WWOX: variants seen among roughly 807,000 people sequenced by gnomAD.
The protein encoded by WWOX is WW domain containing oxidoreductase.
In WWOX, 69 loss-of-function variants were observed where a neutral mutation model predicts 46.2. That is an observed-to-expected ratio of 1.49 (90% CI 1.23 to 1.82). WWOX has a LOEUF of 1.82. Among genes scored for constraint, WWOX ranks in the 40% most tolerant of loss-of-function variants. The pLI is 0.00. For synonymous variants in WWOX, 359 were observed against 202.6 expected (o/e 1.77, Z -6.56); for missense variants, 919 against 542.6 (o/e 1.69, Z -6.89).
intron 8 of WWOX, among the ~76,000 whole-genome samples, chr16:78,815,073 C>T (rs1039996312): frequency 6.6e-6 from 1 of 152,158 alleles, no homozygotes; most frequent in East Asian, 1.9e-4. Flanking sequence ...GCCTGTAATC[C>T]CAACACTTCG....
chr16:78,677,307 G>A (rs570094529), intron 8 of WWOX, among the ~76,000 whole-genome samples: 26 of 152,200 alleles, frequency 1.7e-4, no homozygotes, highest in African/African-American at 5.8e-4. Flanking sequence ...TACTCATTAC[G>A]TACACTCTGC....
intron 8 of WWOX, among the ~76,000 whole-genome samples, chr16:78,743,550 T>G (rs1405259504): frequency 1.3e-5 from 2 of 152,088 alleles, no homozygotes; most frequent in Admixed American, 1.3e-4. Flanking sequence ...TATAATTAAA[T>G]CAAAAGGAAA....
chr16:78,139,535 C>T (rs146448578), intron 4 of WWOX, among the ~76,000 whole-genome samples: 7 of 152,250 alleles, frequency 4.6e-5, no homozygotes, highest in Non-Finnish European at 8.8e-5. Context: ...ATCCCAGCTA[C>T]TCGGGAGGCT....
intron 4 of WWOX, among the ~76,000 whole-genome samples, chr16:78,126,539 AATTG>A (rs1437675959): frequency 6.6e-6 from 1 of 152,116 alleles, no homozygotes; most frequent in African/African-American, 2.4e-5. Context: ...ATCGATTACT[AATTG>A]ATTGCTTGCC....
rs74029573 is a variant in WWOX, at chr16:78,582,399, G to T, written c.1056+149647G>T. On this transcript the variant is annotated intron_variant, in intron 8 of 8. Coordinates refer to ENST00000566780, the MANE Select transcript of WWOX (RefSeq NM_016373.4). ...AATGAGTATTTCTTACAAAGTGGGA[G>T]TATCAATTTTTCTTAAATGTAGAGA... Among the ~76,000 whole-genome samples the T allele has an allele frequency of 3.8e-3, 586 of 152,276 alleles. 4 individuals are homozygous for T. Among genetic ancestry groups the T allele is most frequent in the African/African-American group, 0.014 (569 of 41,548 alleles).
At chr16:78,857,977 T>A (rs2052605611) in intron 8 of WWOX, among the ~76,000 whole-genome samples, 1 of 152,186 alleles carries the variant, frequency 6.6e-6, no homozygotes, top group Admixed American at 6.5e-5. Context: ...TAGCGTTATT[T>A]TGTGTGCATA....
intron 5 of WWOX, among the ~76,000 whole-genome samples, chr16:78,249,778 A>G (rs1185159465): frequency 2.0e-5 from 3 of 150,038 alleles, no homozygotes; most frequent in Non-Finnish European, 4.4e-5. Flanking sequence ...TCAAACTAGA[A>G]CGTGGCTTTT....
chr16:78,991,886 C>A (rs1439867200), intron 8 of WWOX, among the ~76,000 whole-genome samples: 1 of 152,110 alleles, frequency 6.6e-6, no homozygotes, highest in African/African-American at 2.4e-5. Context: ...CTTGCGATCA[C>A]CTCCATAAAT....
At chr16:78,567,288 G>A (rs1487589635) in intron 8 of WWOX, among the ~76,000 whole-genome samples, 3 of 152,054 alleles carry the variant, frequency 2.0e-5, no homozygotes, top group Non-Finnish European at 4.4e-5. Context: ...GCTCACGCCT[G>A]TAATCCCAGC....
chr16:78,742,930 G>T (rs570914371), intron 8 of WWOX, among the ~76,000 whole-genome samples: 1 of 152,218 alleles, frequency 6.6e-6, no homozygotes, highest in East Asian at 1.9e-4. Flanking sequence ...AAAGAGGAAG[G>T]AGAAGGCCCT....
At chr16:78,564,150 A>G (rs1163963686) in intron 8 of WWOX, among the ~76,000 whole-genome samples, 5 of 152,240 alleles carry the variant, frequency 3.3e-5, no homozygotes, top group Non-Finnish European at 5.9e-5. Flanking sequence ...AGCCCAGCCC[A>G]AATTGCTGAC....
At chr16:78,688,263 T>A (rs2047906521) in intron 8 of WWOX, among the ~76,000 whole-genome samples, 1 of 152,282 alleles carries the variant, frequency 6.6e-6, no homozygotes, top group South Asian at 2.1e-4. Flanking sequence ...CTTGGTTTTA[T>A]TTCTTGTTGC....
At chr16:78,831,793 G>A (rs1250401041) in intron 8 of WWOX, among the ~76,000 whole-genome samples, 2 of 152,202 alleles carry the variant, frequency 1.3e-5, no homozygotes, top group Non-Finnish European at 2.9e-5. Flanking sequence ...AGCTTTTACT[G>A]AGCATCTATC....
intron 8 of WWOX, among the ~76,000 whole-genome samples, chr16:78,788,376 C>A (rs1486165157): frequency 6.6e-6 from 1 of 152,204 alleles, no homozygotes; most frequent in Non-Finnish European, 1.5e-5. Context: ...CCTTCTTTCA[C>A]CTGCCCCAAG....
intron 8 of WWOX, among the ~76,000 whole-genome samples, chr16:79,155,181 T>C (rs752079395): frequency 5.3e-5 from 8 of 152,118 alleles, no homozygotes; most frequent in Non-Finnish European, 1.0e-4. Flanking sequence ...ATGGAAACCA[T>C]TCTGGCCAAC....
chr16:78,148,280 G>C (rs2151716829), intron 4 of WWOX, among the ~76,000 whole-genome samples: 2 of 152,310 alleles, frequency 1.3e-5, no homozygotes, highest in South Asian at 4.2e-4. Context: ...TACGAAGTGA[G>C]ACCATGGGTG....
At chr16:78,416,140 C>A (rs576759308) in intron 6 of WWOX, among the ~76,000 whole-genome samples, 30 of 152,306 alleles carry the variant, frequency 2.0e-4, no homozygotes, top group African/African-American at 6.7e-4. Context: ...AAAATGCTGA[C>A]TAGTAACATC....
chr16:78,881,592 T>C (rs1382056897), intron 8 of WWOX, among the ~76,000 whole-genome samples: 1 of 152,116 alleles, frequency 6.6e-6, no homozygotes, highest in East Asian at 1.9e-4. Flanking sequence ...AGATCAAGAG[T>C]AATTGTGACT....
At chr16:78,670,203 A>C (rs1229957872) in intron 8 of WWOX, among the ~76,000 whole-genome samples, 4 of 152,010 alleles carry the variant, frequency 2.6e-5, no homozygotes, top group African/African-American at 9.7e-5. Context: ...AGCTCTAACC[A>C]CAGCTGGAGT....
Sources: gnomAD v4.1 joint callset for allele counts (sites outside exome capture counted in the v4.1 genomes callset) on GRCh38, gnomAD v4.1.1 for gene constraint, MANE v1.5 for transcripts, NCBI Gene and HGNC (gene_info 2026-07-23, HGNC 2026-07-21) for gene names.